PPFIA2: variants seen among roughly 807,000 people sequenced by gnomAD.
The protein encoded by PPFIA2 is liprin-alpha-2.
PPFIA2 carries 46 observed loss-of-function variants against 175.5 expected under a neutral mutation model. The ratio of observed to expected loss-of-function variants is 0.26; its 90% CI spans 0.21 to 0.34. The LOEUF (loss-of-function observed/expected upper bound fraction) is 0.34, where lower values mean the gene tolerates loss of function less well. PPFIA2 is among the 10% of genes least tolerant of loss of function. PPFIA2 has a pLI of 1.00. For synonymous variants in PPFIA2, 568 were observed against 511.4 expected, an observed-to-expected ratio of 1.11 and a Z score of -1.49; for missense variants, 1,179 against 1,506.1, an observed-to-expected ratio of 0.78 and a Z score of 3.60.
At chr12:81,568,204 A>G (rs1203988855) in intron 4 of PPFIA2, among the ~76,000 whole-genome samples, 1 of 152,352 alleles carries the variant, frequency 6.6e-6, no homozygotes, top group Admixed American at 6.5e-5. Context: ...AAGGACTTCC[A>G]TATCTCCTGC....
intron 3 of PPFIA2, among the ~76,000 whole-genome samples, chr12:81,711,194 C>T (rs982888954): frequency 6.6e-6 from 1 of 151,236 alleles, no homozygotes; most frequent in African/African-American, 2.4e-5. Context: ...CACCACTGCA[C>T]TCTGCCCTGG....
At chr12:81,723,384 T>C (rs1398385339) in intron 3 of PPFIA2, among the ~76,000 whole-genome samples, 1 of 151,066 alleles carries the variant, frequency 6.6e-6, no homozygotes, top group Non-Finnish European at 1.5e-5. Flanking sequence ...ATACAATTAG[T>C]TCAGACACAG....
chr12:81,421,616 C>T (rs2046256779), intron 7 of PPFIA2, among the ~76,000 whole-genome samples: 1 of 151,478 alleles, frequency 6.6e-6, no homozygotes, highest in Non-Finnish European at 1.5e-5. Context: ...AGTAAGAGAG[C>T]AGAGAGAGAA....
intron 17 of PPFIA2, 140 bp from the exon 18 acceptor site, chr12:81,347,910 T>C (rs1479755909): frequency 5.4e-6 from 7 of 1,295,514 alleles, no homozygotes; most frequent in Non-Finnish European, 3.0e-6. Flanking sequence ...AATTTTTTCA[T>C]CTTTTTTTTT....
chr12:81,485,781 G>A (rs906830555), intron 4 of PPFIA2, among the ~76,000 whole-genome samples: 2 of 151,832 alleles, frequency 1.3e-5, no homozygotes, highest in African/African-American at 4.8e-5. Flanking sequence ...TGCAAAATAT[G>A]AAAGTCTGAA....
At chr12:81,633,662 T>C (rs2153502712) in intron 4 of PPFIA2, among the ~76,000 whole-genome samples, 1 of 152,064 alleles carries the variant, frequency 6.6e-6, no homozygotes, top group Middle Eastern at 3.4e-3. Flanking sequence ...CAGGAGAAAT[T>C]TTATGAGCAA....
At chr12:81,329,001 G>C (rs997253528) in intron 21 of PPFIA2, among the ~76,000 whole-genome samples, 1 of 151,808 alleles carries the variant, frequency 6.6e-6, no homozygotes, top group Non-Finnish European at 1.5e-5. Flanking sequence ...ATGAGGTCTT[G>C]CTATGTTGCT....
chr12:81,277,254 A>G (rs778710132), intron 28 of PPFIA2, 63 bp downstream of exon 28: 7 of 1,373,130 alleles, frequency 5.1e-6, no homozygotes, highest in Non-Finnish European at 6.9e-6. Flanking sequence ...ATTTTAGGTT[A>G]GTAAAAGTGA....
chr12:81,600,180 C>A (rs2059647933), intron 4 of PPFIA2, among the ~76,000 whole-genome samples: 1 of 151,950 alleles, frequency 6.6e-6, no homozygotes, highest in Non-Finnish European at 1.5e-5. Context: ...AAATAGATTT[C>A]TTCTGTAATG....
intron 4 of PPFIA2, among the ~76,000 whole-genome samples, chr12:81,465,902 A>C: frequency 6.6e-6 from 1 of 152,180 alleles, no homozygotes; most frequent in Non-Finnish European, 1.5e-5. Flanking sequence ...ATTAATACGT[A>C]ATCATTATAT....
intron 23 of PPFIA2, chr12:81,298,459 A>G (rs2047024884): frequency 6.6e-6 from 1 of 152,262 alleles, no homozygotes; most frequent in Non-Finnish European, 1.5e-5. Flanking sequence ...GAAGACGGAT[A>G]ATTTTATAAT....
chr12:81,399,227 A>C (rs931818217), intron 8 of PPFIA2, among the ~76,000 whole-genome samples: 15 of 150,430 alleles, frequency 1.0e-4, no homozygotes, highest in Admixed American at 6.0e-4. Flanking sequence ...TAATAAGATA[A>C]AGGTAACTGA....
chr12:81,407,881 C>T (rs779989771), intron 7 of PPFIA2, among the ~76,000 whole-genome samples: 5 of 152,180 alleles, frequency 3.3e-5, no homozygotes, highest in Non-Finnish European at 5.9e-5. Flanking sequence ...TTCCATTTCT[C>T]CACTTCCTCA....
At chr12:81,440,138 A>C in intron 6 of PPFIA2, 92 bp from the exon 7 acceptor site, 1 of 887,410 alleles carries the variant, frequency 1.1e-6, no homozygotes. Flanking sequence ...GAGACAGTCA[A>C]TTTGGCAAAT....
At position 81,717,336 on chromosome 12, in the gene PPFIA2, T is replaced by C. The variant is rs148597225; in HGVS notation, c.249+36637A>G. Among the ~76,000 whole-genome samples the C allele has an allele frequency of 1.4e-3, 216 of 151,802 alleles. 2 individuals are homozygous for C. Among genetic ancestry groups the C allele is most frequent in the African/African-American group, 4.8e-3 (198 of 41,494 alleles). ...AAATGTAACAAGTGTTCTTATCTTATGGGTGATGTCCAGATTTGGCCCATA... is the reference window on the plus strand; with the variant it reads ...AAATGTAACAAGTGTTCTTATCTTACGGGTGATGTCCAGATTTGGCCCATA... On this transcript the variant is annotated intron_variant, in intron 3 of 32. Coordinates refer to ENST00000549396, the MANE Select transcript of PPFIA2 (RefSeq NM_003625.5).
At chr12:81,361,953 T>C (rs2141212234) in intron 15 of PPFIA2, among the ~76,000 whole-genome samples, 1 of 151,564 alleles carries the variant, frequency 6.6e-6, no homozygotes, top group Non-Finnish European at 1.5e-5. Context: ...AAGGAAATTA[T>C]GTGTGAATTA....
At chr12:81,356,758 C>T (rs1026682811) in intron 16 of PPFIA2, among the ~76,000 whole-genome samples, 1 of 152,156 alleles carries the variant, frequency 6.6e-6, no homozygotes, top group Non-Finnish European at 1.5e-5. Context: ...CATCCATAGA[C>T]TTGCTTGAGG....
intron 4 of PPFIA2, among the ~76,000 whole-genome samples, chr12:81,480,036 AG>A (rs764891475): frequency 2.0e-5 from 3 of 152,160 alleles, no homozygotes; most frequent in Non-Finnish European, 4.4e-5. Context: ...CATCACTTTC[AG>A]GTACACCAAT....
intron 6 of PPFIA2, among the ~76,000 whole-genome samples, chr12:81,442,419 T>C (rs1474492027): frequency 6.6e-6 from 1 of 152,030 alleles, no homozygotes; most frequent in Non-Finnish European, 1.5e-5. Context: ...GAAGCTCTAA[T>C]TCATTCCTTG....
Sources: allele counts gnomAD v4.1 joint callset (sites outside exome capture counted in the v4.1 genomes callset), GRCh38; gene constraint gnomAD v4.1.1; transcripts MANE v1.5; gene names NCBI Gene and HGNC (gene_info 2026-07-23, HGNC 2026-07-21).